Variants in ZNF385D observed in about 807,000 individuals in gnomAD.
The protein encoded by ZNF385D is zinc finger protein 385D, also known as zinc finger protein 659.
ZNF385D carries 15 observed loss-of-function variants against 35.8 expected under a neutral mutation model. The observed-to-expected ratio is 0.42, with a 90% confidence interval of 0.28 to 0.64. The LOEUF (loss-of-function observed/expected upper bound fraction) is 0.64, where lower values mean the gene tolerates loss of function less well. ZNF385D is among the 30% of genes least tolerant of loss of function. The pLI is 0.23. For missense variants in ZNF385D, 474 were observed against 494.6 expected, an observed-to-expected ratio of 0.96 and a Z score of 0.39; for synonymous variants, 212 against 186.8, an observed-to-expected ratio of 1.13 and a Z score of -1.10.
chr3:22,010,959 C>A (rs1048348520), intron 3 of ZNF385D, among the ~76,000 whole-genome samples: 11 of 152,034 alleles, frequency 7.2e-5, no homozygotes, highest in African/African-American at 2.7e-4. Context: ...ACCAAAGATA[C>A]ATGAATACAT....
intron 3 of ZNF385D, among the ~76,000 whole-genome samples, chr3:22,056,561 T>A (rs1443004189): frequency 6.6e-6 from 1 of 152,100 alleles, no homozygotes; most frequent in Non-Finnish European, 1.5e-5. Context: ...AAAGAAAGTT[T>A]AAAAATGGTT....
At chr3:22,142,313 A>G (rs1704557869) in intron 3 of ZNF385D, among the ~76,000 whole-genome samples, 2 of 152,164 alleles carry the variant, frequency 1.3e-5, no homozygotes, top group Admixed American at 1.3e-4. Context: ...TGGGAGATTC[A>G]TTTCAAATTC....
chr3:21,899,340 C>T (rs748609269), intron 3 of ZNF385D, among the ~76,000 whole-genome samples: 7 of 152,090 alleles, frequency 4.6e-5, no homozygotes, highest in South Asian at 2.1e-4. Flanking sequence ...ATTCCTTTCA[C>T]GAGGAAGCAA....
intron 3 of ZNF385D, among the ~76,000 whole-genome samples, chr3:21,869,071 C>G (rs1003367637): frequency 6.6e-6 from 1 of 152,010 alleles, no homozygotes; most frequent in Non-Finnish European, 1.5e-5. Context: ...CTTACAGCGT[C>G]GGTTTTCCCT....
chr3:22,133,938 T>C (rs1397274769), intron 3 of ZNF385D: 1 of 151,882 alleles, frequency 6.6e-6, no homozygotes, highest in East Asian at 1.9e-4. Context: ...TGTATGAAAA[T>C]CTGAACAGCT....
intron 1 of ZNF385D, among the ~76,000 whole-genome samples, chr3:21,740,213 G>A (rs1575568919): frequency 6.6e-6 from 1 of 152,108 alleles, no homozygotes; most frequent in East Asian, 1.9e-4. Context: ...TACTAAGGTT[G>A]GAAACTTAGA....
intron 3 of ZNF385D, among the ~76,000 whole-genome samples, chr3:22,104,705 G>A (rs559555559): frequency 6.6e-6 from 1 of 152,228 alleles, no homozygotes; most frequent in South Asian, 2.1e-4. Context: ...AAGAAAAATG[G>A]TTCCAATCAA....
intron 3 of ZNF385D, among the ~76,000 whole-genome samples, chr3:22,142,691 G>T (rs1465373078): frequency 6.6e-6 from 1 of 151,984 alleles, no homozygotes; most frequent in Non-Finnish European, 1.5e-5. Context: ...CTCAGCAGGT[G>T]ATGAGTGCAG....
chr3:21,503,976 A>C (rs1419965865), intron 4 of ZNF385D, among the ~76,000 whole-genome samples: 1 of 152,158 alleles, frequency 6.6e-6, no homozygotes, highest in Non-Finnish European at 1.5e-5. Flanking sequence ...ATTAAAAGAG[A>C]AAAAGGGAAA....
chr3:21,796,553 AT>A (rs34042525), intron 3 of ZNF385D, among the ~76,000 whole-genome samples: 1,883 of 151,608 alleles, frequency 0.012, 37 homozygotes, highest in African/African-American at 0.042. Context: ...TGCAAAAAAA[AT>A]TTTTTTTTAA....
intron 2 of ZNF385D, among the ~76,000 whole-genome samples, chr3:21,625,365 C>T (rs2065107267): frequency 6.6e-6 from 1 of 152,154 alleles, no homozygotes; most frequent in East Asian, 1.9e-4. Flanking sequence ...ACAGGGCATA[C>T]TGAAGTGGAA....
intron 2 of ZNF385D, among the ~76,000 whole-genome samples, chr3:22,274,195 T>C (rs1701314284): frequency 6.6e-6 from 1 of 151,948 alleles, no homozygotes. Context: ...TCAATCAGAA[T>C]ATAGCACTTA....
chr3:21,425,867 G>T (rs968680481), intron 5 of ZNF385D, among the ~76,000 whole-genome samples, 197 bp from the exon 6 acceptor site: 1 of 152,162 alleles, frequency 6.6e-6, no homozygotes, highest in Non-Finnish European at 1.5e-5. Context: ...ACAGCAGACT[G>T]TAACAATGTG....
At chr3:22,305,153 G>C (rs1007140838) in intron 2 of ZNF385D, among the ~76,000 whole-genome samples, 1 of 151,450 alleles carries the variant, frequency 6.6e-6, no homozygotes. Flanking sequence ...CTTTATTCAC[G>C]AATTACTCGC....
chr3:22,110,546 C>A (rs952246843), intron 3 of ZNF385D, among the ~76,000 whole-genome samples: 1 of 151,868 alleles, frequency 6.6e-6, no homozygotes, highest in Non-Finnish European at 1.5e-5. Context: ...GGACAAAAAA[C>A]CAAACACCGC....
intron 3 of ZNF385D, among the ~76,000 whole-genome samples, chr3:21,793,885 C>T (rs552374303): frequency 6.6e-6 from 1 of 152,276 alleles, no homozygotes; most frequent in South Asian, 2.1e-4. Context: ...GATTTCTAGA[C>T]CTTCTCTTCT....
chr3:22,222,908 C>T (rs537217472), intron 2 of ZNF385D, among the ~76,000 whole-genome samples: 1 of 152,160 alleles, frequency 6.6e-6, no homozygotes, highest in Non-Finnish European at 1.5e-5. Context: ...TGTTAGTGCT[C>T]ATTTAAATAT....
Position 21,419,919 on chromosome 3 carries a change from T to G in ZNF385D, c.*1295A>C, listed in dbSNP as rs987571618. ...TTTTAAAGGTAAAACATCAACTTCT[T>G]TCAGCCTGATGGTGAATATCAAAGG... On this transcript the variant is annotated 3_prime_UTR_variant, in exon 8 of 8. Transcript: ENST00000281523. The G allele has an allele frequency of 6.6e-6, 1 of 152,098 alleles. No homozygotes were observed. The highest frequency in any genetic ancestry group is 2.4e-5 in the African/African-American group (1 of 41,430). The allele number at this position is 152,098 out of a possible 1,614,324, so 9.4% of individuals were successfully genotyped here.
intron 3 of ZNF385D, among the ~76,000 whole-genome samples, chr3:22,034,757 A>T (rs935557023): frequency 6.6e-6 from 1 of 152,160 alleles, no homozygotes. Flanking sequence ...ATAAATATTT[A>T]AAAAGTAAGT....
Sources: gnomAD v4.1 joint callset for allele counts (sites outside exome capture counted in the v4.1 genomes callset) on GRCh38, gnomAD v4.1.1 for gene constraint, MANE v1.5 for transcripts, NCBI Gene and HGNC (gene_info 2026-07-23, HGNC 2026-07-21) for gene names.